Variants in MRPL42 observed in about 807,000 individuals in gnomAD.
MRPL42 encodes mitochondrial ribosomal protein L42.
In MRPL42, 17 loss-of-function variants were observed where a neutral mutation model predicts 17.9. That is an observed-to-expected ratio of 0.95 (90% CI 0.65 to 1.42). The LOEUF (loss-of-function observed/expected upper bound fraction) is 1.42. MRPL42 is among the 40% of genes most tolerant of loss of function. MRPL42 has a pLI of 0.00. For synonymous variants in MRPL42, 59 were observed against 54.4 expected (o/e 1.08, Z -0.37); for missense variants, 177 against 175.2 (o/e 1.01, Z -0.06).
rs891675655 is a variant in MRPL42, at chr12:93,505,359, G to A, written c.*4138G>A. ...AAGAATACTTTTTCAGTTTCAATGT[G>A]TATTTTTAAAATTTCCAGAAGATGA... On this transcript the variant is annotated 3_prime_UTR_variant, in exon 6 of 6. Coordinates refer to ENST00000549982, the MANE Select transcript of MRPL42 (RefSeq NM_014050.4). 4.6e-5 allele frequency: 7 copies of A among 152,074 alleles called. No homozygotes were observed. Among genetic ancestry groups the A allele is most frequent in the African/African-American group, 1.2e-4 (5 of 41,378 alleles). 9.4% of individuals were successfully genotyped at this position (152,074 alleles called of 1,614,324 possible). A position where few individuals can be genotyped will look rare whatever the true frequency, so the allele number is the denominator to read the frequency against.
intron 4 of MRPL42, among the ~76,000 whole-genome samples, chr12:93,484,973 C>CATATATATATATAT (rs1565813713): frequency 1.3e-4 from 3 of 23,946 alleles, no homozygotes; most frequent in Non-Finnish European, 2.0e-4. Flanking sequence ...CACACACACA[C>CATATATATATATAT]ACACACATAT....
At chr12:93,495,494 C>T (rs1256226450) in intron 5 of MRPL42, among the ~76,000 whole-genome samples, 2 of 152,100 alleles carry the variant, frequency 1.3e-5, no homozygotes, top group East Asian at 3.9e-4. Context: ...CTTGGCCTCC[C>T]AAAGTGCTGG....
intron 4 of MRPL42, among the ~76,000 whole-genome samples, chr12:93,480,838 C>T (rs1283900900): frequency 6.6e-6 from 1 of 152,150 alleles, no homozygotes; most frequent in Non-Finnish European, 1.5e-5. Context: ...CCGCGCCCGA[C>T]AAATAATTTC....
At chr12:93,499,676 T>C (rs1358973948) in intron 5 of MRPL42, among the ~76,000 whole-genome samples, 1 of 152,190 alleles carries the variant, frequency 6.6e-6, no homozygotes, top group Non-Finnish European at 1.5e-5. Context: ...GATGGTATTT[T>C]ACTGTGTGTA....
rs1953667758 is a variant in MRPL42, at chr12:93,506,258, C to CTTTTTTTTT, written c.*5038_*5039insTTTTTTTTT. ...TGAGTCTTCAATTCAGCAAGAATGT[C>CTTTTTTTTT]TCTTTTTTTTTTTTTTTTTTTTTTG... is the stretch of plus-strand genomic sequence containing the variant. On this transcript the variant is annotated 3_prime_UTR_variant, in exon 6 of 6. Transcript: ENST00000549982. 1 of 85,150 alleles carries CTTTTTTTTT rather than the reference C, an allele frequency of 1.2e-5. No individual in the cohort carries two copies. The highest frequency in any genetic ancestry group is 2.2e-5 in the Non-Finnish European group (1 of 45,698). The allele number at this position is 85,150 out of a possible 1,614,324, so 5.3% of individuals were successfully genotyped here.
At chr12:93,487,909 A>T (rs1021583165) in intron 5 of MRPL42, 10 of 339,180 alleles carry the variant, frequency 2.9e-5, no homozygotes, top group Middle Eastern at 8.5e-4. Context: ...TGATCTTCGC[A>T]CTTTAGCCTT....
intron 4 of MRPL42, among the ~76,000 whole-genome samples, chr12:93,480,111 C>G (rs976638493): frequency 6.6e-6 from 1 of 151,888 alleles, no homozygotes; most frequent in African/African-American, 2.4e-5. Context: ...CCTCCTTCTA[C>G]TAGGTAATGT....
In MRPL42 at chr12:93,502,776, ATATGAT is replaced by A. The variant is rs1406662326; in HGVS notation, c.*1561_*1566del. The A allele has an allele frequency of 4.6e-5, 7 of 152,214 alleles. No individual in the cohort carries two copies. Among genetic ancestry groups the A allele is most frequent in the Non-Finnish European group, 5.9e-5 (4 of 68,042 alleles). The allele number at this position is 152,214 out of a possible 1,614,324, so 9.4% of individuals were successfully genotyped here. A position where few individuals can be genotyped will look rare whatever the true frequency, so the allele number is the denominator to read the frequency against. On this transcript the variant is annotated 3_prime_UTR_variant, in exon 6 of 6. Coordinates refer to ENST00000549982, the MANE Select transcript of MRPL42 (RefSeq NM_014050.4). ...ATGTAGAAAGAAGTGAAAAATCAAAATATGATTATGAAGATTTTCTTCTCTTCCGAG... is the reference window on the plus strand; with the variant it reads ...ATGTAGAAAGAAGTGAAAAATCAAAATATGAAGATTTTCTTCTCTTCCGAG...
In MRPL42 at chr12:93,508,875, C is replaced by G. The variant is rs1412074344; in HGVS notation, c.*7654C>G. 1 of 152,118 alleles carries G rather than the reference C, an allele frequency of 6.6e-6. No individual in the cohort carries two copies. The highest frequency in any genetic ancestry group is 1.5e-5 in the Non-Finnish European group (1 of 68,030). 9.4% of individuals were successfully genotyped at this position (152,118 alleles called of 1,614,324 possible). A position where few individuals can be genotyped will look rare whatever the true frequency, so the allele number is the denominator to read the frequency against. The stretch of plus-strand genomic sequence containing the variant: ...ATATTTTAACACTGTCTCTTTTTCA[C>G]ACACACTAGTTAGCTAAGAATGAGC... On this transcript the variant is annotated 3_prime_UTR_variant, in exon 6 of 6. Coordinates refer to ENST00000549982, the MANE Select transcript of MRPL42 (RefSeq NM_014050.4).
intron 5 of MRPL42, among the ~76,000 whole-genome samples, chr12:93,491,561 G>A (rs1953414656): frequency 6.6e-6 from 1 of 152,168 alleles, no homozygotes; most frequent in African/African-American, 2.4e-5. Context: ...ATATATGTAT[G>A]TATGTATTTT....
intron 1 of MRPL42, among the ~76,000 whole-genome samples, chr12:93,468,723 TTTATTATTA>T (rs889341261): frequency 3.3e-5 from 5 of 151,950 alleles, no homozygotes; most frequent in African/African-American, 1.2e-4. Context: ...TTGATATTTC[TTTATTATTA>T]TTATTATTAT....
At chr12:93,483,095 A>G (rs1300857249) in intron 4 of MRPL42, among the ~76,000 whole-genome samples, 1 of 152,090 alleles carries the variant, frequency 6.6e-6, no homozygotes, top group African/African-American at 2.4e-5. Context: ...GGGTTTCGCC[A>G]TGTTGGCCAG....
Position 93,503,005 on chromosome 12 carries a change from A to C in MRPL42, c.*1784A>C, listed in dbSNP as rs1440436624. The C allele has an allele frequency of 1.3e-5, 2 of 152,094 alleles. No individual in the cohort carries two copies. Among genetic ancestry groups the C allele is most frequent in the Non-Finnish European group, 2.9e-5 (2 of 68,042 alleles). 9.4% of individuals were successfully genotyped at this position (152,094 alleles called of 1,614,324 possible). A position where few individuals can be genotyped will look rare whatever the true frequency, so the allele number is the denominator to read the frequency against. On this transcript the variant is annotated 3_prime_UTR_variant, in exon 6 of 6. Coordinates refer to ENST00000549982, the MANE Select transcript of MRPL42 (RefSeq NM_014050.4). ...CACATAGTCCGTGATCACCAGCATC[A>C]CCTGCCCTCTGTTCCTCCCCCGTCC...
chr12:93,491,329 A>T (rs1466936038), intron 5 of MRPL42, among the ~76,000 whole-genome samples: 1 of 152,256 alleles, frequency 6.6e-6, no homozygotes, highest in Non-Finnish European at 1.5e-5. Flanking sequence ...GGTAGAGGTT[A>T]ACCTACCTAG....
intron 4 of MRPL42, among the ~76,000 whole-genome samples, chr12:93,485,017 T>TACAC (rs1330828958): frequency 2.2e-3 from 140 of 64,032 alleles, no homozygotes; most frequent in East Asian, 6.2e-3. Context: ...TATATATATA[T>TACAC]ATATATATAT....
intron 5 of MRPL42, chr12:93,488,260 G>T (rs551833732): frequency 2.3e-5 from 9 of 397,520 alleles, no homozygotes; most frequent in African/African-American, 1.8e-4. Context: ...GTGAGCCACC[G>T]AGCCTGGCTC....
chr12:93,474,912 A>G (rs1471485435), intron 2 of MRPL42, among the ~76,000 whole-genome samples: 1 of 152,088 alleles, frequency 6.6e-6, no homozygotes, highest in African/African-American at 2.4e-5. Context: ...CCTGGCCAAT[A>G]TAGTGAAACC....
intron 4 of MRPL42, among the ~76,000 whole-genome samples, chr12:93,485,017 T>TATACAC (rs1880667795): frequency 6.2e-5 from 4 of 64,144 alleles, no homozygotes; most frequent in African/African-American, 1.7e-4. Flanking sequence ...TATATATATA[T>TATACAC]ATATATATAT....
intron 3 of MRPL42, among the ~76,000 whole-genome samples, chr12:93,478,851 G>A (rs1021072248): frequency 1.3e-5 from 2 of 151,980 alleles, no homozygotes; most frequent in East Asian, 3.8e-4. Context: ...TGTGTTATGG[G>A]TACCAGGTTT....
Sources: allele counts gnomAD v4.1 joint callset (sites outside exome capture counted in the v4.1 genomes callset), GRCh38; gene constraint gnomAD v4.1.1; transcripts MANE v1.5; gene names NCBI Gene and HGNC (gene_info 2026-07-23, HGNC 2026-07-21).